The following MYO18B variants were observed in gnomAD, a reference collection of about 807,000 sequenced individuals.
The protein encoded by MYO18B is unconventional myosin-XVIIIb.
In MYO18B, 204 loss-of-function variants were observed where a neutral mutation model predicts 273.0. The ratio of observed to expected loss-of-function variants is 0.75; its 90% confidence interval spans 0.67 to 0.84. MYO18B has a LOEUF of 0.84. Among genes scored for constraint, MYO18B ranks in the 40% least tolerant of loss-of-function variants. The probability of loss-of-function intolerance (pLI) is 0.00; values close to 1 mark genes in which losing one functional copy is unlikely to be tolerated. For missense variants in MYO18B, 3,212 were observed against 3,287.6 expected (o/e 0.98, Z 0.56); for synonymous variants, 1,330 against 1,305.7 (o/e 1.02, Z -0.40).
intron 39 of MYO18B, among the ~76,000 whole-genome samples, chr22:25,972,958 GAA>G (rs66647025): frequency 0.04 from 3,219 of 80,588 alleles, 120 homozygotes; most frequent in African/African-American, 0.12. Context: ...TGTCTCAAAG[GAA>G]AAAAAAAAAA....
Position 25,908,572 on chromosome 22 carries a change from C to G in MYO18B, c.5259+140C>G, listed in dbSNP as rs908912481. ...CTGCAATCATCTGAGACCTTAGCTT[C>G]GAAGTGACTTCAAAGGTGTAGGAGC... On this transcript the variant is annotated intron_variant, in intron 32 of 43. Coordinates refer to ENST00000335473, the MANE Select transcript of MYO18B (RefSeq NM_032608.7). 12 of 684,084 alleles carry G rather than the reference C, an allele frequency of 1.8e-5. No homozygotes were observed. In the East Asian group the frequency reaches 3.3e-4, roughly 19 times the overall value. The allele number at this position is 684,084 out of a possible 1,614,324, so 42.4% of individuals were successfully genotyped here.
intron 23 of MYO18B, among the ~76,000 whole-genome samples, chr22:25,874,840 A>G (rs1412598994): frequency 6.6e-6 from 1 of 152,210 alleles, no homozygotes; most frequent in Non-Finnish European, 1.5e-5. Context: ...GTAGCTGCAC[A>G]ATAGAGAGAA....
chr22:25,869,103 G>T (rs536641157), intron 22 of MYO18B, among the ~76,000 whole-genome samples: 1 of 152,180 alleles, frequency 6.6e-6, no homozygotes, highest in East Asian at 1.9e-4. Context: ...CACGGAGATT[G>T]TAAACTCAAG....
intron 25 of MYO18B, among the ~76,000 whole-genome samples, chr22:25,878,418 A>G (rs1009888730): frequency 1.3e-5 from 2 of 152,228 alleles, no homozygotes; most frequent in Non-Finnish European, 2.9e-5. Flanking sequence ...ATGAAGATGT[A>G]TATTACTTAC....
At chr22:25,978,704 A>G (rs1003347323) in intron 39 of MYO18B, among the ~76,000 whole-genome samples, 21 of 152,244 alleles carry the variant, frequency 1.4e-4, no homozygotes, top group African/African-American at 5.1e-4. Context: ...CTGTAATCCC[A>G]GCACTTTGGG....
In MYO18B at chr22:26,004,837, G is replaced by A; in HGVS notation, c.6452G>A (p.Ser2151Asn). 1 of 1,613,726 alleles carries A rather than the reference G, an allele frequency of 6.2e-7. No individual in the cohort carries two copies. Among genetic ancestry groups the A allele is most frequent in the Non-Finnish European group, 8.5e-7 (1 of 1,179,714 alleles). The change falls in exon 42 of 44, where the codon AGC becomes AAC. Residue 2151 changes from serine to asparagine, a missense_variant. Transcript: ENST00000335473. ...CCTTCTCGACAGTCAGCCACCAGCA[G>A]CCGCATCCTCAGCCCCAGGTAAGAG... The part of the protein sequence containing the change: ...RTPSRQSATS[S>N]RILSPRINEE...
chr22:25,986,153 G>C (rs1237062078), intron 39 of MYO18B, among the ~76,000 whole-genome samples: 2 of 152,196 alleles, frequency 1.3e-5, no homozygotes, highest in African/African-American at 4.8e-5. Flanking sequence ...CTTAGCTCTA[G>C]ATCTTTTCTT....
At chr22:26,050,060 C>G in the MYO18B span, among the ~76,000 whole-genome samples, 13 of 152,156 alleles carry the variant, frequency 8.5e-5, no homozygotes, top group Admixed American at 7.9e-4. Flanking sequence ...AAAAACAGCA[C>G]TATTTATCTC....
At chr22:25,780,610 A>G (rs1205479563) in intron 9 of MYO18B, among the ~76,000 whole-genome samples, 11 of 145,642 alleles carry the variant, frequency 7.6e-5, no homozygotes, top group African/African-American at 2.9e-4. Flanking sequence ...AAAAAAAAAA[A>G]AAAAAAAAAA....
intron 11 of MYO18B, among the ~76,000 whole-genome samples, chr22:25,789,850 T>C (rs1340909045): frequency 6.6e-6 from 1 of 151,920 alleles, no homozygotes; most frequent in African/African-American, 2.4e-5. Flanking sequence ...CATAACAAAC[T>C]GTATATCATT....
At chr22:25,947,174 T>G (rs1478099079) in intron 35 of MYO18B, among the ~76,000 whole-genome samples, 1 of 151,620 alleles carries the variant, frequency 6.6e-6, no homozygotes, top group African/African-American at 2.4e-5. Context: ...AATGTACATA[T>G]TCACGTGCGA....
chr22:25,889,912 C>T (rs2091611747), intron 25 of MYO18B, among the ~76,000 whole-genome samples: 1 of 152,182 alleles, frequency 6.6e-6, no homozygotes, highest in African/African-American at 2.4e-5. Flanking sequence ...TTAAACCACG[C>T]TCCTAATATA....
intron 39 of MYO18B, among the ~76,000 whole-genome samples, chr22:25,966,231 GT>G (rs1334390863): frequency 6.6e-6 from 1 of 152,060 alleles, no homozygotes; most frequent in Non-Finnish European, 1.5e-5. Context: ...GTCAGGTTCT[GT>G]TTTTTGTTTG....
the MYO18B span, among the ~76,000 whole-genome samples, chr22:26,037,432 G>C: frequency 7.4e-4 from 112 of 152,292 alleles, 1 homozygote; most frequent in African/African-American, 2.5e-3. Context: ...TGCAGAAGCT[G>C]GGATTAGAGT....
chr22:25,766,528 CA>C (rs2086512895), intron 3 of MYO18B, among the ~76,000 whole-genome samples: 1 of 152,100 alleles, frequency 6.6e-6, no homozygotes. Flanking sequence ...AAGCTTGGAA[CA>C]ATTTCTGATT....
chr22:26,018,458 G>C (rs907467588), intron 42 of MYO18B, among the ~76,000 whole-genome samples: 1 of 152,096 alleles, frequency 6.6e-6, no homozygotes, highest in Non-Finnish European at 1.5e-5. Flanking sequence ...AGCTAGGGGT[G>C]GGGGAGCTTC....
intron 31 of MYO18B, among the ~76,000 whole-genome samples, chr22:25,905,428 C>T (rs1217430630): frequency 6.6e-6 from 1 of 152,128 alleles, no homozygotes; most frequent in East Asian, 1.9e-4. Flanking sequence ...CAATCTCTGC[C>T]CTCCCAAAGT....
At chr22:25,917,545 G>GGTGTGTGTGTGTGTGTGTGTGT (rs3070569) in intron 33 of MYO18B, among the ~76,000 whole-genome samples, 2 of 142,152 alleles carry the variant, frequency 1.4e-5, no homozygotes, top group East Asian at 4.1e-4. Flanking sequence ...GCTTTGTAGG[G>GGTGTGTGTGTGTGTGTGTGTGT]GTGTGTGTGT....
intron 10 of MYO18B, among the ~76,000 whole-genome samples, chr22:25,784,107 C>T (rs990209474): frequency 2.0e-5 from 3 of 152,182 alleles, no homozygotes; most frequent in Admixed American, 1.3e-4. Flanking sequence ...TCAGTTTCTC[C>T]TTTATACTGT....
Sources: allele counts gnomAD v4.1 joint callset (sites outside exome capture counted in the v4.1 genomes callset), GRCh38; gene constraint gnomAD v4.1.1; transcripts MANE v1.5; gene names NCBI Gene and HGNC (gene_info 2026-07-23, HGNC 2026-07-21).